The following RPGRIP1L variants were observed in gnomAD, a reference collection of about 807,000 sequenced individuals.
RPGRIP1L encodes the protein protein fantom.
A neutral mutation model predicts 160.4 loss-of-function variants in RPGRIP1L; 131 were observed. That is an observed-to-expected ratio of 0.82 (90% CI 0.71 to 0.94). The LOEUF (loss-of-function observed/expected upper bound fraction) is 0.94. Ranked by LOEUF, RPGRIP1L falls within the 40% of genes least tolerant of loss-of-function variation. The pLI, the probability that RPGRIP1L is intolerant of heterozygous loss-of-function variation, is 0.00. For synonymous variants in RPGRIP1L, 510 were observed against 515.8 expected, an observed-to-expected ratio of 0.99 and a Z score of 0.15; for missense variants, 1,522 against 1,535.8, an observed-to-expected ratio of 0.99 and a Z score of 0.15.
chr16:53,621,783 G>C (rs917241895), intron 23 of RPGRIP1L, among the ~76,000 whole-genome samples: 3 of 151,962 alleles, frequency 2.0e-5, no homozygotes, highest in Non-Finnish European at 4.4e-5. Flanking sequence ...AGCACTTTGG[G>C]AGGCTGAGGT....
rs1963318379 is a variant in RPGRIP1L, at chr16:53,600,183, G to A, written c.*1893C>T. ...CAATAAATGTCTCAAAAACCACTCA[G>A]TTAATCCCAGGGTATAATCTGGCTG... On this transcript the variant is annotated 3_prime_UTR_variant, in exon 27 of 27. Coordinates refer to ENST00000647211, the MANE Select transcript of RPGRIP1L (RefSeq NM_015272.5). 6.6e-6 allele frequency: 1 copy of A among 152,582 alleles called. No individual in the cohort carries two copies. Among genetic ancestry groups the A allele is most frequent in the African/African-American group, 2.4e-5 (1 of 41,424 alleles). The allele number at this position is 152,582 out of a possible 1,614,324, so 9.5% of individuals were successfully genotyped here. A position where few individuals can be genotyped will look rare whatever the true frequency, so the allele number is the denominator to read the frequency against.
In RPGRIP1L at chr16:53,655,933, G is replaced by A. The variant is rs1031527463; in HGVS notation, c.1699+539C>T. The stretch of plus-strand genomic sequence containing the variant: ...TGTATCTTGGAATCATGGTAGAAAG[G>A]AGGTTTAGGCAGAGCAAACAGCAAG... On this transcript the variant is annotated intron_variant, in intron 14 of 26. Transcript: ENST00000647211. Among the ~76,000 whole-genome samples the A allele has an allele frequency of 5.9e-5, 9 of 152,290 alleles. No individual in the cohort carries two copies. The East Asian group carries it at 1.7e-3, about 29-fold the overall frequency.
At chr16:53,653,976 T>C (rs889581836) in intron 14 of RPGRIP1L, among the ~76,000 whole-genome samples, 1 of 152,194 alleles carries the variant, frequency 6.6e-6, no homozygotes, top group African/African-American at 2.4e-5. Context: ...TTTTTTTGTA[T>C]GTTTTGAGAC....
intron 10 of RPGRIP1L, among the ~76,000 whole-genome samples, chr16:53,662,131 A>C (rs1017666582): frequency 6.6e-6 from 1 of 152,176 alleles, no homozygotes; most frequent in Non-Finnish European, 1.5e-5. Context: ...AAATGAGATA[A>C]CATTTCACTC....
At chr16:53,643,687 A>G (rs1378574351) in intron 17 of RPGRIP1L, among the ~76,000 whole-genome samples, 1 of 152,242 alleles carries the variant, frequency 6.6e-6, no homozygotes, top group East Asian at 1.9e-4. Flanking sequence ...CTGAAACATC[A>G]GTGGCTATAC....
At position 53,624,279 on chromosome 16, in the gene RPGRIP1L, G is replaced by A. The variant is rs141902884; in HGVS notation, c.3295-1923C>T. 6.3e-3 allele frequency among the ~76,000 whole-genome samples: 965 copies of A among 152,290 alleles called. 7 individuals are homozygous for A. The highest frequency in any genetic ancestry group is 7.5e-3 in the Non-Finnish European group (512 of 68,022). On this transcript the variant is annotated intron_variant, in intron 22 of 26. Coordinates refer to ENST00000647211, the MANE Select transcript of RPGRIP1L (RefSeq NM_015272.5). ...TAAAAAATATTTATTATGGCTGGGCGCACTGGCTCATGCCTGTAATCCCAG... is the reference window on the plus strand; with the variant it reads ...TAAAAAATATTTATTATGGCTGGGCACACTGGCTCATGCCTGTAATCCCAG...
intron 15 of RPGRIP1L, among the ~76,000 whole-genome samples, chr16:53,651,773 G>A (rs1236470948): frequency 6.6e-6 from 1 of 152,042 alleles, no homozygotes; most frequent in Non-Finnish European, 1.5e-5. Context: ...GCTACAGGGG[G>A]TAGTTTTGTC....
chr16:53,612,824 G>T (rs1361265575), intron 24 of RPGRIP1L, among the ~76,000 whole-genome samples: 1 of 151,942 alleles, frequency 6.6e-6, no homozygotes, highest in Non-Finnish European at 1.5e-5. Context: ...TACATATTGT[G>T]GTACAATGAT....
chr16:53,667,495 T>C (rs1293848813), intron 9 of RPGRIP1L, among the ~76,000 whole-genome samples: 1 of 152,188 alleles, frequency 6.6e-6, no homozygotes, highest in African/African-American at 2.4e-5. Context: ...CCCAATGCTT[T>C]GGGAGGCTGA....
chr16:53,604,159 G>A (rs16952364), intron 26 of RPGRIP1L, among the ~76,000 whole-genome samples: 4,779 of 152,246 alleles, frequency 0.031, 184 homozygotes, highest in African/African-American at 0.098. Context: ...CAACTGCCAC[G>A]TGGTTAGAAA....
In RPGRIP1L at chr16:53,637,678, T is replaced by G. The variant is rs1204073957; in HGVS notation, c.3220+17A>C. On this transcript the variant is annotated intron_variant, in intron 21 of 26. Coordinates refer to ENST00000647211, the MANE Select transcript of RPGRIP1L (RefSeq NM_015272.5). ...ACAGGGTTAACTAAACAATGTTAGT[T>G]TAAATAAGAAAGTCACCTTCTGGTT... is the stretch of plus-strand genomic sequence containing the variant. 3 of 1,603,064 alleles carry G rather than the reference T, an allele frequency of 1.9e-6. No individual in the cohort carries two copies. Among genetic ancestry groups the G allele is most frequent in the Admixed American group, 1.7e-5 (1 of 59,968 alleles).
intron 10 of RPGRIP1L, among the ~76,000 whole-genome samples, chr16:53,662,009 A>G (rs1349270733): frequency 6.6e-6 from 1 of 152,210 alleles, no homozygotes; most frequent in African/African-American, 2.4e-5. Flanking sequence ...AAGAGGAAAT[A>G]TACTTGCTGA....
intron 17 of RPGRIP1L, 55 bp from the exon 18 acceptor site, chr16:53,641,530 G>A: frequency 6.8e-7 from 1 of 1,470,702 alleles, no homozygotes; most frequent in Non-Finnish European, 9.5e-7. Flanking sequence ...ATTACTGTAA[G>A]AATTAAAGAA....
At chr16:53,651,763 G>C (rs1253360108) in intron 15 of RPGRIP1L, among the ~76,000 whole-genome samples, 1 of 152,070 alleles carries the variant, frequency 6.6e-6, no homozygotes, top group African/African-American at 2.4e-5. Flanking sequence ...TAGAAGGTAA[G>C]CTACAGGGGG....
chr16:53,646,675 A>G (rs1015382753), intron 16 of RPGRIP1L, among the ~76,000 whole-genome samples: 1 of 152,184 alleles, frequency 6.6e-6, no homozygotes, highest in Non-Finnish European at 1.5e-5. Context: ...GCTGACTGTT[A>G]AATCTTCCAT....
At chr16:53,632,497 C>G (rs1965582696) in intron 22 of RPGRIP1L, among the ~76,000 whole-genome samples, 1 of 152,028 alleles carries the variant, frequency 6.6e-6, no homozygotes, top group Non-Finnish European at 1.5e-5. Flanking sequence ...TTTTTGTATT[C>G]GTGGATCTAT....
At chr16:53,666,381 T>C (rs1247539488) in intron 9 of RPGRIP1L, among the ~76,000 whole-genome samples, 2 of 152,110 alleles carry the variant, frequency 1.3e-5, no homozygotes, top group Non-Finnish European at 2.9e-5. Flanking sequence ...ATTATTTAAG[T>C]TGATTTTATC....
intron 22 of RPGRIP1L, among the ~76,000 whole-genome samples, chr16:53,632,441 C>T (rs1459361878): frequency 6.6e-6 from 1 of 152,124 alleles, no homozygotes; most frequent in Non-Finnish European, 1.5e-5. Context: ...CATGATCTTT[C>T]AAAATGTGAT....
At chr16:53,668,660 A>G (rs1047728173) in intron 9 of RPGRIP1L, among the ~76,000 whole-genome samples, 4 of 152,208 alleles carry the variant, frequency 2.6e-5, no homozygotes, top group African/African-American at 9.6e-5. Flanking sequence ...CATGGCCCCA[A>G]CACTAACTAA....
Sources: gnomAD v4.1 joint callset for allele counts (sites outside exome capture counted in the v4.1 genomes callset) on GRCh38, gnomAD v4.1.1 for gene constraint, MANE v1.5 for transcripts, NCBI Gene and HGNC (gene_info 2026-07-23, HGNC 2026-07-21) for gene names.